The following NAALADL2 variants were observed in gnomAD, a reference collection of about 807,000 sequenced individuals.
The protein encoded by NAALADL2 is N-acetylated alpha-linked acidic dipeptidase like 2, also known as inactive N-acetylated-alpha-linked acidic dipeptidase-like protein 2.
NAALADL2 carries 76 observed loss-of-function variants against 87.2 expected under a neutral mutation model. That is an observed-to-expected ratio of 0.87 (90% CI 0.72 to 1.05). NAALADL2 has a LOEUF of 1.05. NAALADL2 is among the 50% of genes least tolerant of loss of function. The pLI is 0.00. For missense variants in NAALADL2, 1,089 were observed against 945.8 expected (o/e 1.15, Z -1.99); for synonymous variants, 354 against 331.0 (o/e 1.07, Z -0.75).
intron 8 of NAALADL2, among the ~76,000 whole-genome samples, chr3:175,467,401 A>G (rs1724244334): frequency 6.6e-6 from 1 of 152,188 alleles, no homozygotes; most frequent in Admixed American, 6.5e-5. Context: ...TATTGTTACC[A>G]GACTTACAAA....
At chr3:174,642,329 C>A (rs191302014) in intron 2 of NAALADL2, among the ~76,000 whole-genome samples, 275 of 151,752 alleles carry the variant, frequency 1.8e-3, no homozygotes, top group Non-Finnish European at 3.1e-3. Context: ...GGTGAAACCC[C>A]GTCTCTACTA....
At chr3:174,928,074 AAG>A (rs1736348163) in intron 1 of NAALADL2, among the ~76,000 whole-genome samples, 2 of 152,184 alleles carry the variant, frequency 1.3e-5, no homozygotes, top group African/African-American at 4.8e-5. Context: ...AATGCAAATA[AAG>A]AGAAAAAAGT....
chr3:175,166,588 G>C (rs1734040971), intron 2 of NAALADL2, among the ~76,000 whole-genome samples: 1 of 151,462 alleles, frequency 6.6e-6, no homozygotes, highest in South Asian at 2.1e-4. Context: ...ATTGTGGTTG[G>C]CCATTTCTTC....
At chr3:175,308,988 A>G (rs140471291) in intron 4 of NAALADL2, among the ~76,000 whole-genome samples, 35 of 152,310 alleles carry the variant, frequency 2.3e-4, no homozygotes, top group African/African-American at 8.4e-4. Context: ...GAGCATGCCC[A>G]GGAGTGAAAA....
At chr3:175,280,029 AC>A (rs1754086085) in intron 4 of NAALADL2, among the ~76,000 whole-genome samples, 1 of 111,238 alleles carries the variant, frequency 9.0e-6, no homozygotes, top group East Asian at 3.7e-4. Context: ...CTTTCACTCC[AC>A]TTTAAAAAAA....
intron 2 of NAALADL2, among the ~76,000 whole-genome samples, chr3:174,570,871 A>G (rs574636607): frequency 2.0e-5 from 3 of 152,322 alleles, no homozygotes; most frequent in African/African-American, 7.2e-5. Context: ...TAGTAAAGAA[A>G]TTATTAAACT....
At chr3:175,094,378 C>G (rs1225089564) in intron 1 of NAALADL2, among the ~76,000 whole-genome samples, 1 of 151,970 alleles carries the variant, frequency 6.6e-6, no homozygotes, top group East Asian at 1.9e-4. Flanking sequence ...TCTAAAGTGT[C>G]TAGAGATTCT....
intron 11 of NAALADL2, among the ~76,000 whole-genome samples, chr3:175,713,755 A>G (rs1740853622): frequency 6.6e-6 from 1 of 151,796 alleles, no homozygotes; most frequent in Non-Finnish European, 1.5e-5. Flanking sequence ...TAATACTTTA[A>G]GTTCTGGGAT....
chr3:175,017,080 T>C (rs77184998), intron 1 of NAALADL2, among the ~76,000 whole-genome samples: 6,099 of 152,148 alleles, frequency 0.04, 262 homozygotes, highest in East Asian at 0.2. Flanking sequence ...TAGTTGACAA[T>C]GCAATACAAC....
chr3:174,527,423 G>A (rs1720866615), intron 1 of NAALADL2, among the ~76,000 whole-genome samples: 1 of 151,632 alleles, frequency 6.6e-6, no homozygotes, highest in African/African-American at 2.4e-5. Flanking sequence ...GGAGGCTGAG[G>A]TAGGAGAATC....
chr3:175,547,873 AT>A (rs569847252), intron 9 of NAALADL2, among the ~76,000 whole-genome samples: 184 of 152,252 alleles, frequency 1.2e-3, no homozygotes, highest in African/African-American at 4.2e-3. Flanking sequence ...ACCAGTCATA[AT>A]GGCTATTATT....
intron 2 of NAALADL2, among the ~76,000 whole-genome samples, chr3:174,641,836 A>G (rs187597218): frequency 6.6e-6 from 1 of 152,142 alleles, no homozygotes; most frequent in Non-Finnish European, 1.5e-5. Context: ...GGCTCACTGC[A>G]GCCTCAACCT....
At chr3:175,049,690 T>C (rs1755124241) in intron 1 of NAALADL2, among the ~76,000 whole-genome samples, 1 of 152,184 alleles carries the variant, frequency 6.6e-6, no homozygotes, top group African/African-American at 2.4e-5. Flanking sequence ...AAAAGGGGAT[T>C]GATCCCTAGC....
At chr3:174,859,527 G>C in intron 1 of NAALADL2, 77 bp downstream of exon 1, 1 of 1,251,950 alleles carries the variant, frequency 8.0e-7, no homozygotes, top group Non-Finnish European at 1.2e-6. Flanking sequence ...AAGTCTGTGT[G>C]TTTCTGTGTA....
intron 11 of NAALADL2, among the ~76,000 whole-genome samples, chr3:175,663,418 A>G (rs1450857465): frequency 6.6e-6 from 1 of 151,454 alleles, no homozygotes. Context: ...TTTGCCTCTG[A>G]TTTTATTTGA....
chr3:175,360,239 A>G (rs945702241), intron 5 of NAALADL2, among the ~76,000 whole-genome samples: 13 of 152,234 alleles, frequency 8.5e-5, no homozygotes, highest in Middle Eastern at 3.4e-3. Context: ...CAATTTTCTA[A>G]AAGTTCCTAT....
At chr3:175,754,844 G>A (rs912373753) in intron 12 of NAALADL2, among the ~76,000 whole-genome samples, 1 of 152,146 alleles carries the variant, frequency 6.6e-6, no homozygotes, top group Non-Finnish European at 1.5e-5. Context: ...AAGACATAGT[G>A]CCTGGAATAT....
At chr3:174,656,425 A>C (rs1318007917) in intron 2 of NAALADL2, among the ~76,000 whole-genome samples, 1 of 152,202 alleles carries the variant, frequency 6.6e-6, no homozygotes, top group African/African-American at 2.4e-5. Context: ...ACTTTAAAGA[A>C]GCTTATTTCC....
intron 1 of NAALADL2, among the ~76,000 whole-genome samples, chr3:174,874,839 A>G (rs1455930602): frequency 6.6e-6 from 1 of 152,182 alleles, no homozygotes; most frequent in Non-Finnish European, 1.5e-5. Flanking sequence ...GTTAAAATTC[A>G]TGATAGATGC....
Sources: allele counts gnomAD v4.1 joint callset (sites outside exome capture counted in the v4.1 genomes callset), GRCh38; gene constraint gnomAD v4.1.1; transcripts MANE v1.5; gene names NCBI Gene and HGNC (gene_info 2026-07-23, HGNC 2026-07-21).